DHRS4: variants seen among roughly 807,000 people sequenced by gnomAD.
The protein encoded by DHRS4 is dehydrogenase/reductase SDR family member 4.
Under a neutral mutation model 28.4 loss-of-function variants are expected in DHRS4, and 20 were observed. The observed-to-expected ratio is 0.71, with a 90% CI of 0.50 to 1.02. The LOEUF (loss-of-function observed/expected upper bound fraction) is 1.02. Ranked by LOEUF, DHRS4 falls within the 50% of genes least tolerant of loss-of-function variation. The pLI, the probability that DHRS4 is intolerant of heterozygous loss-of-function variation, is 0.00. For synonymous variants in DHRS4, 144 were observed against 146.4 expected (o/e 0.98, Z 0.12); for missense variants, 378 against 367.2 (o/e 1.03, Z -0.24).
chr14:23,969,043 G>A lies in DHRS4; in HGVS notation c.*172G>A. ...TGCCGTCAAGGTGGCGTCTTACTCG[G>A]GATTTCTGCTGTTGTTGTGGCCTTG... is the stretch of plus-strand genomic sequence containing the variant. On this transcript the variant is annotated 3_prime_UTR_variant, in exon 8 of 8. Coordinates refer to ENST00000313250, the MANE Select transcript of DHRS4 (RefSeq NM_021004.4). 2 of 1,334,422 alleles carry A rather than the reference G, an allele frequency of 1.5e-6. No individual in the cohort carries two copies. Among genetic ancestry groups the A allele is most frequent in the Non-Finnish European group, 2.0e-6 (2 of 1,007,348 alleles). 82.7% of individuals were successfully genotyped at this position (1,334,422 alleles called of 1,614,324 possible). A position where few individuals can be genotyped will look rare whatever the true frequency, so the allele number is the denominator to read the frequency against.
At position 23,959,897 on chromosome 14, in the gene DHRS4, T is replaced by C. The variant is rs370437141; in HGVS notation, c.307-5T>C. On this transcript the variant is annotated splice_polypyrimidine_tract_variant and splice_region_variant and intron_variant, in intron 2 of 7. Coordinates refer to ENST00000313250, the MANE Select transcript of DHRS4 (RefSeq NM_021004.4). ...CCCTGGTCCAGAACTTACCCCTCTC[T>C]CTAGGCTGTGAAGCTTCATGGAGGT... 70 of 1,613,178 alleles carry C rather than the reference T, an allele frequency of 4.3e-5. No individual in the cohort carries two copies. In the Middle Eastern group the frequency reaches 6.6e-4, roughly 15 times the overall value.
rs780929753 is a variant in DHRS4 at position 23,959,905 on chromosome 14, G to A, written c.310G>A (p.Val104Met). The change falls in exon 3 of 8, where the codon GTG becomes ATG. Residue 104 changes from valine (V) to methionine (M), a missense_variant. Physicochemically the swap from Val to Met is conservative, Grantham distance 21 (BLOSUM62 1). Coordinates refer to ENST00000313250, the MANE Select transcript of DHRS4 (RefSeq NM_021004.4). ...CAGAACTTACCCCTCTCTCTAGGCT[G>A]TGAAGCTTCATGGAGGTATCGATAT... ...EDRERLVATA[V>M]KLHGGIDILV... is the part of the protein sequence containing the mutation. 34 of 1,613,218 alleles carry A rather than the reference G, an allele frequency of 2.1e-5. No homozygotes were observed. Among genetic ancestry groups the A allele is most frequent in the East Asian group, 4.5e-5 (2 of 44,858 alleles).
At chr14:23,955,560 C>G (rs1323177756) in intron 2 of DHRS4, among the ~76,000 whole-genome samples, 1 of 152,114 alleles carries the variant, frequency 6.6e-6, no homozygotes, top group Non-Finnish European at 1.5e-5. Flanking sequence ...AGAGTCAAGT[C>G]CCTGGGAACC....
intron 2 of DHRS4, among the ~76,000 whole-genome samples, chr14:23,956,713 C>A (rs1259725334): frequency 6.6e-6 from 1 of 150,640 alleles, no homozygotes; most frequent in Non-Finnish European, 1.5e-5. Context: ...AAGCAATTCT[C>A]ATGCCTCAGC....
At chr14:23,967,769 T>A (rs1344076449) in intron 7 of DHRS4, 1 of 186,874 alleles carries the variant, frequency 5.4e-6, no homozygotes, top group Non-Finnish European at 1.0e-5. Flanking sequence ...TTCCTCTAAG[T>A]TCCCTGCCTC....
At chr14:23,954,239 A>G (rs1266177509) in intron 1 of DHRS4, 15 of 258,916 alleles carry the variant, frequency 5.8e-5, no homozygotes, top group Non-Finnish European at 7.5e-6. Flanking sequence ...GAAACTGGAA[A>G]TCCAAGGAAA....
chr14:23,967,348 C>T (rs777036927), intron 7 of DHRS4, 82 bp downstream of exon 7: 1 of 1,465,630 alleles, frequency 6.8e-7, no homozygotes, highest in Non-Finnish European at 9.4e-7. Context: ...CCCGCTGTCT[C>T]AGTCCCACAG....
At chr14:23,959,008 A>G (rs904012179) in intron 2 of DHRS4, among the ~76,000 whole-genome samples, 2 of 152,212 alleles carry the variant, frequency 1.3e-5, no homozygotes, top group African/African-American at 4.8e-5. Flanking sequence ...CTACAGCTCT[A>G]TTTAAGCCAG....
intron 1 of DHRS4, among the ~76,000 whole-genome samples, chr14:23,954,397 G>C (rs2032999664): frequency 6.6e-6 from 1 of 152,132 alleles, no homozygotes; most frequent in Non-Finnish European, 1.5e-5. Context: ...GTTTAGGTCG[G>C]TACATCTGGG....
intron 7 of DHRS4, 148 bp from the exon 8 acceptor site, chr14:23,968,609 C>T (rs2033725531): frequency 7.9e-7 from 1 of 1,264,820 alleles, no homozygotes; most frequent in South Asian, 1.4e-5. Flanking sequence ...TCGTGGTAAC[C>T]CTATTTGATA....
chr14:23,954,112 C>G, intron 1 of DHRS4, 196 bp downstream of exon 1: 3 of 804,838 alleles, frequency 3.7e-6, no homozygotes, highest in Non-Finnish European at 5.7e-6. Flanking sequence ...GCCAGCCCTC[C>G]TGTCCCTGCT....
intron 1 of DHRS4, among the ~76,000 whole-genome samples, chr14:23,954,817 G>C (rs1017404379): frequency 3.3e-5 from 5 of 152,224 alleles, no homozygotes; most frequent in African/African-American, 9.7e-5. Flanking sequence ...GTCAGTTCTT[G>C]GGAACTGAGG....
In DHRS4 at chr14:23,968,774, A is replaced by G; in HGVS notation, c.740A>G (p.Asp247Gly). Reference protein sequence around the residue: ...LRIRRLGEPEDCAGIVSFLCS... With the variant: ...LRIRRLGEPEGCAGIVSFLCS... ...TTCCCCAGGTTAGGCGAGCCAGAGG[A>G]TTGTGCTGGCATCGTGTCTTTCCTG... Residue 247 changes from aspartate to glycine, a missense_variant, in exon 8 of 8, where the codon GAT becomes GGT. Physicochemically the swap from Asp to Gly is moderately conservative, Grantham distance 94. Coordinates refer to ENST00000313250, the MANE Select transcript of DHRS4 (RefSeq NM_021004.4). 1 of 1,605,554 alleles carries G rather than the reference A, an allele frequency of 6.2e-7. No individual in the cohort carries two copies. Among genetic ancestry groups the G allele is most frequent in the Non-Finnish European group, 8.5e-7 (1 of 1,176,446 alleles).
At chr14:23,959,797 G>C in intron 2 of DHRS4, 105 bp from the exon 3 acceptor site, 5 of 1,365,530 alleles carry the variant, frequency 3.7e-6, no homozygotes, top group Non-Finnish European at 5.2e-6. Context: ...ATGATTACAG[G>C]CATGAGCCAC....
rs1488026644 is a variant in DHRS4 at position 23,959,761 on chromosome 14, C to T, written c.307-141C>T. 9.8e-5 allele frequency: 92 copies of T among 943,532 alleles called. No individual in the cohort carries two copies. The East Asian group carries it at 2.1e-3, about 22-fold the overall frequency. The allele number at this position is 943,532 out of a possible 1,614,324, so 58.4% of individuals were successfully genotyped here. On this transcript the variant is annotated intron_variant, in intron 2 of 7. Coordinates refer to ENST00000313250, the MANE Select transcript of DHRS4 (RefSeq NM_021004.4). ...CTCAAACTCCTCAGCTCAAGTGAGC[C>T]TCCCACCTTGGCCTCCCAAAGTGCC...
intron 2 of DHRS4, among the ~76,000 whole-genome samples, chr14:23,955,834 T>C (rs1235285720): frequency 6.6e-6 from 1 of 152,182 alleles, no homozygotes; most frequent in African/African-American, 2.4e-5. Flanking sequence ...AAAGAAAGTA[T>C]ATAAGTCGAT....
rs527848141 is a variant in DHRS4 at position 23,965,555 on chromosome 14, C to G, written c.409-207C>G. Among the ~76,000 whole-genome samples the G allele has an allele frequency of 2.7e-5, 4 of 147,466 alleles. No homozygotes were observed. In the East Asian group the frequency reaches 8.3e-4, roughly 31 times the overall value. On this transcript the variant is annotated intron_variant, in intron 3 of 7. Coordinates refer to ENST00000313250, the MANE Select transcript of DHRS4 (RefSeq NM_021004.4). Reference sequence around the variant, plus strand: ...AGGCTCCATTTTTGCTCACCTGAACCTAATGTATCAATATCTAGCTGAGCA... The same window carrying G: ...AGGCTCCATTTTTGCTCACCTGAACGTAATGTATCAATATCTAGCTGAGCA...
intron 7 of DHRS4, 92 bp from the exon 8 acceptor site, chr14:23,968,665 C>T: frequency 6.4e-7 from 1 of 1,552,616 alleles, no homozygotes; most frequent in Admixed American, 1.9e-5. Context: ...TCTGATAATT[C>T]TTGATTAAGC....
chr14:23,965,162 AT>A (rs2033572197), intron 3 of DHRS4, among the ~76,000 whole-genome samples: 1 of 147,674 alleles, frequency 6.8e-6, no homozygotes, highest in African/African-American at 2.5e-5. Context: ...AGGGTCATAC[AT>A]TTGTTTTAGA....
Sources: allele counts gnomAD v4.1 joint callset (sites outside exome capture counted in the v4.1 genomes callset), GRCh38; gene constraint gnomAD v4.1.1; transcripts MANE v1.5; gene names NCBI Gene and HGNC (gene_info 2026-07-23, HGNC 2026-07-21).